The following CREBZF variants were observed in gnomAD, a reference collection of about 807,000 sequenced individuals.
CREBZF encodes CREB/ATF bZIP transcription factor, also known as HCF-binding transcription factor Zhangfei.
A neutral mutation model predicts 21.1 loss-of-function variants in CREBZF; 8 were observed. That is an observed-to-expected ratio of 0.38 (90% CI 0.22 to 0.68). The LOEUF is 0.68. CREBZF is among the 30% of genes least tolerant of loss of function. The pLI is 0.51. For synonymous variants in CREBZF, 270 were observed against 223.3 expected (o/e 1.21, Z -1.86); for missense variants, 518 against 484.3 (o/e 1.07, Z -0.65).
chr11:85,671,218 A>G (rs2082909270), intron 1 of CREBZF, among the ~76,000 whole-genome samples: 1 of 152,238 alleles, frequency 6.6e-6, no homozygotes, highest in South Asian at 2.1e-4. Flanking sequence ...CAAAACCATC[A>G]GACCTCATGA....
At chr11:85,682,821 C>A (rs2082986095) in exon 1 of CREBZF, 1 of 702,066 alleles carries the variant, frequency 1.4e-6, no homozygotes, top group African/African-American at 1.7e-5. Flanking sequence ...ACCACGGGGC[C>A]GCAATTTGGG....
upstream of CREBZF, among the ~76,000 whole-genome samples, chr11:85,668,525 C>A: frequency 6.6e-6 from 1 of 152,208 alleles, no homozygotes; most frequent in Middle Eastern, 3.4e-3. Context: ...TAACCTTATA[C>A]ATAATAACTC....
Position 85,673,663 on chromosome 11 carries a change from G to A in CREBZF, n.147+9054C>T, listed in dbSNP as rs569254678. Among the ~76,000 whole-genome samples, 17 of 152,246 alleles carry A rather than the reference G, an allele frequency of 1.1e-4. 1 individual carries two copies. The South Asian group carries it at 3.1e-3, about 28-fold the overall frequency. ...TTAAAATATGACAGTAAAGTTTGCAGCATCAACTGACACTTCCTTTCATGA... is the reference window on the plus strand; with the variant it reads ...TTAAAATATGACAGTAAAGTTTGCAACATCAACTGACACTTCCTTTCATGA... On this transcript the variant is annotated intron_variant and non_coding_transcript_variant, in intron 1 of 3. Coordinates refer to the CREBZF transcript ENST00000531515.
At chr11:85,665,694 GA>G (rs1276492322), upstream of CREBZF, among the ~76,000 whole-genome samples, 1 of 151,884 alleles carries the variant, frequency 6.6e-6, no homozygotes. Flanking sequence ...AATGAATGTA[GA>G]ATACAACATT....
chr11:85,673,889 A>G (rs1483697732), intron 1 of CREBZF, among the ~76,000 whole-genome samples: 1 of 152,150 alleles, frequency 6.6e-6, no homozygotes, highest in Non-Finnish European at 1.5e-5. Context: ...GAAACCATCC[A>G]TTTTTCTTGG....
chr11:85,670,084 G>A (rs564942582), upstream of CREBZF, among the ~76,000 whole-genome samples: 1 of 152,076 alleles, frequency 6.6e-6, no homozygotes, highest in African/African-American at 2.4e-5. Flanking sequence ...TGGGATTACA[G>A]GTGTGAGCCA....
intron 1 of CREBZF, among the ~76,000 whole-genome samples, chr11:85,680,303 C>T (rs1222090529): frequency 2.6e-5 from 4 of 152,156 alleles, no homozygotes; most frequent in South Asian, 2.1e-4. Flanking sequence ...TGAACCTGTT[C>T]CCTATTGATG....
chr11:85,664,222 GGCAGCGGCCGCC>G lies in CREBZF; in HGVS notation c.642_653del (p.Ala215_Ala218del). 6.2e-7 allele frequency: 1 copy of G among 1,612,640 alleles called. No individual in the cohort carries two copies. The highest frequency in any genetic ancestry group is 8.5e-7 in the Non-Finnish European group (1 of 1,179,796). On this transcript the variant is annotated inframe_deletion, in exon 1 of 1. Transcript: ENST00000527447. This position sits in a 1 kb window ranked among gnomAD's most constrained non-coding sequence, Gnocchi z 5.5. ...CCTTCTTCTTCAGTCGATTAAGGCGGGCAGCGGCCGCCGCCGCCTTCCGGGGACTCTTTGTCG... is the reference window on the plus strand; with the variant it reads ...CCTTCTTCTTCAGTCGATTAAGGCGGGCCGCCTTCCGGGGACTCTTTGTCG...
Position 85,661,160 on chromosome 11 carries a change from A to C in CREBZF, c.*2651T>G, listed in dbSNP as rs1394024352. ...ATACTGAAATAAACAGATCTGTTTA[A>C]ATTCAGAAACCCAAACATTTACAGT... is the stretch of plus-strand genomic sequence containing the variant. On this transcript the variant is annotated 3_prime_UTR_variant, in exon 1 of 1. Coordinates refer to ENST00000527447, the MANE Select transcript of CREBZF (RefSeq NM_001039618.4). The C allele has an allele frequency of 6.6e-6, 1 of 152,626 alleles. No homozygotes were observed. The highest frequency in any genetic ancestry group is 2.4e-5 in the African/African-American group (1 of 41,458). 9.5% of individuals were successfully genotyped at this position (152,626 alleles called of 1,614,324 possible).
At chr11:85,679,523 T>C (rs1000487547) in intron 1 of CREBZF, among the ~76,000 whole-genome samples, 2 of 152,220 alleles carry the variant, frequency 1.3e-5, no homozygotes, top group African/African-American at 4.8e-5. Flanking sequence ...CCACTACCTT[T>C]TGTTGGTATG....
At position 85,664,532 on chromosome 11, in the gene CREBZF, T is replaced by G; in HGVS notation, c.344A>C (p.Gln115Pro). Residue 115 changes from glutamine (Q) to proline (P), a missense_variant, in exon 1 of 1, where the codon CAA (glutamine) becomes CCA (proline). Physicochemically the swap from Gln to Pro is moderately conservative, Grantham distance 76. This residue lies in a region of CREBZF where 396 missense variants were observed against 324.4 expected (regional missense o/e 1.22). Coordinates refer to ENST00000527447, the MANE Select transcript of CREBZF (RefSeq NM_001039618.4). The surrounding 1 kb of genome is among the most constrained non-coding windows in gnomAD (Gnocchi z 5.5). ...CCCGGGGTCCAGGTGCCAGTCCGGT[T>G]GCCTGGGGTCCAGGAGATCCGCCAG... ...LELADLLDPR[Q>P]PDWHLDPGLS... The G allele has an allele frequency of 3.1e-6, 5 of 1,613,742 alleles. No individual in the cohort carries two copies. The highest frequency in any genetic ancestry group is 4.2e-6 in the Non-Finnish European group (5 of 1,179,964).
chr11:85,664,616 GCCT>G lies in CREBZF; in HGVS notation c.257_259del (p.Glu86del). On this transcript the variant is annotated inframe_deletion, in exon 1 of 1. Coordinates refer to ENST00000527447, the MANE Select transcript of CREBZF (RefSeq NM_001039618.4). This position sits in a 1 kb window ranked among gnomAD's most constrained non-coding sequence, Gnocchi z 5.5. ...CTCTTCCCCCGGGAGGCTGGCGATC[GCCT>G]CCTCCTCCATCTCCTCGGGGGAGGG... The G allele has an allele frequency of 6.2e-7, 1 of 1,613,394 alleles. No individual in the cohort carries two copies. The highest frequency in any genetic ancestry group is 8.5e-7 in the Non-Finnish European group (1 of 1,179,732).
upstream of CREBZF, among the ~76,000 whole-genome samples, chr11:85,669,911 G>T (rs542732514): frequency 6.6e-6 from 1 of 151,908 alleles, no homozygotes; most frequent in South Asian, 2.1e-4. Flanking sequence ...GGGTTCAAGC[G>T]ATTCTCCTGC....
intron 1 of CREBZF, among the ~76,000 whole-genome samples, chr11:85,674,512 C>T (rs982043727): frequency 1.3e-5 from 2 of 152,152 alleles, no homozygotes; most frequent in Admixed American, 6.5e-5. Flanking sequence ...TTCTTGAAAG[C>T]CCTAGGATTT....
At position 85,659,172 on chromosome 11, in the gene CREBZF, A is replaced by C. The variant is rs1404082440; in HGVS notation, c.*4639T>G. On this transcript the variant is annotated 3_prime_UTR_variant, in exon 1 of 1. Coordinates refer to ENST00000527447, the MANE Select transcript of CREBZF (RefSeq NM_001039618.4). ...GTCTCAAAACTTTGTATTGGCTGTG[A>C]GTCTGGGGGAAAAAAACATAAATGT... 1.3e-5 allele frequency among the ~76,000 whole-genome samples: 2 copies of C among 152,076 alleles called. No individual in the cohort carries two copies. Among genetic ancestry groups the C allele is most frequent in the East Asian group, 3.8e-4 (2 of 5,204 alleles).
rs761360881 is a variant in CREBZF, at chr11:85,664,652, A to C, written c.224T>G (p.Val75Gly). The change falls in exon 1 of 1, where the codon GTG becomes GGG. Residue 75 changes from valine to glycine, a missense_variant. Transcript: ENST00000527447. The surrounding 1 kb of genome is among the most constrained non-coding windows in gnomAD (Gnocchi z 5.5). ...AGRGSRGGVA[V>G]RAPSPEEMEE... ...CATCTCCTCGGGGGAGGGCGCGCGCACGGCCACGCCGCCGCGGCTCCCCCT... is the reference window on the plus strand; with the variant it reads ...CATCTCCTCGGGGGAGGGCGCGCGCCCGGCCACGCCGCCGCGGCTCCCCCT... The C allele has an allele frequency of 1.2e-6, 2 of 1,604,426 alleles. No individual in the cohort carries two copies. Among genetic ancestry groups the C allele is most frequent in the South Asian group, 2.2e-5 (2 of 90,490 alleles).
chr11:85,677,669 T>C (rs1456982986), intron 1 of CREBZF, among the ~76,000 whole-genome samples: 1 of 152,090 alleles, frequency 6.6e-6, no homozygotes. Context: ...GAATACTTCC[T>C]AGGAGGTGCT....
At chr11:85,680,827 C>T (rs1288234335) in intron 1 of CREBZF, among the ~76,000 whole-genome samples, 1 of 152,222 alleles carries the variant, frequency 6.6e-6, no homozygotes, top group Non-Finnish European at 1.5e-5. Context: ...TTTAAAAAGG[C>T]TCCCTGCCTG....
Position 85,671,161 on chromosome 11 carries a change from T to C in CREBZF, n.148-7560A>G, listed in dbSNP as rs190209591. On this transcript the variant is annotated intron_variant and non_coding_transcript_variant, in intron 1 of 3. Transcript: ENST00000531515. ...GGCAAAGGAAAAGCAAAGGCATGTC[T>C]TACATGGCAGTAGGCAAGAGAGCAT... is the stretch of plus-strand genomic sequence containing the variant. Among the ~76,000 whole-genome samples the C allele has an allele frequency of 3.3e-4, 50 of 152,298 alleles. 1 individual carries two copies. Among genetic ancestry groups the C allele is most frequent in the African/African-American group, 1.1e-3 (46 of 41,556 alleles).
Sources: gnomAD v4.1 joint callset for allele counts (sites outside exome capture counted in the v4.1 genomes callset) on GRCh38, gnomAD v4.1.1 for gene constraint, gnomAD v4.1.1 regional missense constraint, Gnocchi (gnomAD v3.1) non-coding constraint, MANE v1.5 for transcripts, NCBI Gene and HGNC (gene_info 2026-07-23, HGNC 2026-07-21) for gene names.